The following SNX29 variants were observed in gnomAD, a reference collection of about 807,000 sequenced individuals.
The protein encoded by SNX29 is sorting nexin-29.
In SNX29, 78 loss-of-function variants were observed where a neutral mutation model predicts 102.1. That is an observed-to-expected ratio of 0.76 (90% CI 0.64 to 0.92). The LOEUF is 0.92. Ranked by LOEUF, SNX29 falls within the 40% of genes least tolerant of loss-of-function variation. The probability of loss-of-function intolerance (pLI) is 0.00; values close to 1 mark genes in which losing one functional copy is unlikely to be tolerated. For missense variants in SNX29, 1,280 were observed against 1,061.7 expected (o/e 1.21, Z -2.86); for synonymous variants, 580 against 414.5 (o/e 1.40, Z -4.85).
intron 14 of SNX29, among the ~76,000 whole-genome samples, chr16:12,243,646 T>G (rs2078176937): frequency 6.6e-6 from 1 of 152,092 alleles, no homozygotes; most frequent in African/African-American, 2.4e-5. Context: ...TTTTGGGGCA[T>G]GTAATTGGGT....
chr16:11,983,093 G>A lies in SNX29; in HGVS notation c.7+6280G>A, dbSNP rs185393451. ...TTACGGGCGTGCACCACCACGCCTG[G>A]CTAATTTTTTGTATTTTTAGCAGAG... On this transcript the variant is annotated intron_variant, in intron 1 of 20. Transcript: ENST00000566228. Among the ~76,000 whole-genome samples the A allele has an allele frequency of 1.1e-3, 170 of 151,986 alleles. 1 individual carries two copies. Among genetic ancestry groups the A allele is most frequent in the African/African-American group, 3.7e-3 (155 of 41,464 alleles).
At chr16:12,433,016 A>G (rs1437623405) in intron 18 of SNX29, among the ~76,000 whole-genome samples, 1 of 152,216 alleles carries the variant, frequency 6.6e-6, no homozygotes, top group Non-Finnish European at 1.5e-5. Context: ...GTTCTGTGGC[A>G]GAGCCACTAG....
In SNX29 at chr16:12,524,692, G is replaced by C. The variant is rs557385722; in HGVS notation, c.2179-10G>C. ...ACGTACCAAAGCGAAGATGTTTTGT[G>C]TTTCCTCAGGATGCCAAGTTTGTGG... On this transcript the variant is annotated splice_polypyrimidine_tract_variant and intron_variant, in intron 19 of 20. Coordinates refer to ENST00000566228, the MANE Select transcript of SNX29 (RefSeq NM_032167.5). 197 of 1,612,638 alleles carry C rather than the reference G, an allele frequency of 1.2e-4. 1 individual carries two copies. The South Asian group carries it at 2.0e-3, about 17-fold the overall frequency.
At chr16:12,275,910 G>A (rs961809492) in intron 14 of SNX29, among the ~76,000 whole-genome samples, 3 of 141,474 alleles carry the variant, frequency 2.1e-5, no homozygotes, top group Non-Finnish European at 1.5e-5. Flanking sequence ...TTTGGGGGGC[G>A]TGGTCAGAGT....
In SNX29 at chr16:12,568,821, A is replaced by G. The variant is rs922180474; in HGVS notation, c.*192A>G. ...TCGAGCCGCATGATACCGTGACCCG[A>G]GAGACCAAGGCAGCACCTCGCTGGA... is the stretch of plus-strand genomic sequence containing the variant. On this transcript the variant is annotated 3_prime_UTR_variant, in exon 21 of 21. Coordinates refer to ENST00000566228, the MANE Select transcript of SNX29 (RefSeq NM_032167.5). 6 of 889,592 alleles carry G rather than the reference A, an allele frequency of 6.7e-6. No individual in the cohort carries two copies. The South Asian group carries it at 9.0e-5, about 13-fold the overall frequency. The allele number at this position is 889,592 out of a possible 1,614,324, so 55.1% of individuals were successfully genotyped here. A position where few individuals can be genotyped will look rare whatever the true frequency, so the allele number is the denominator to read the frequency against.
chr16:12,189,645 T>C (rs756249888), intron 13 of SNX29, among the ~76,000 whole-genome samples: 3 of 152,176 alleles, frequency 2.0e-5, no homozygotes, highest in Admixed American at 1.3e-4. Flanking sequence ...TTAATACATA[T>C]TTTGTAGGGA....
intron 14 of SNX29, among the ~76,000 whole-genome samples, chr16:12,202,223 G>T (rs1265220254): frequency 6.6e-6 from 1 of 152,090 alleles, no homozygotes; most frequent in African/African-American, 2.4e-5. Context: ...AATTTTACAG[G>T]TATCAAATTT....
At chr16:12,203,269 C>G (rs78444061) in intron 14 of SNX29, among the ~76,000 whole-genome samples, 1 of 97,270 alleles carries the variant, frequency 1.0e-5, no homozygotes, top group Non-Finnish European at 2.2e-5. Context: ...TCTGAAGTTG[C>G]GTAGTGTGGC....
chr16:12,500,113 T>A (rs2089041085), intron 19 of SNX29, among the ~76,000 whole-genome samples: 2 of 152,174 alleles, frequency 1.3e-5, no homozygotes, highest in Non-Finnish European at 2.9e-5. Context: ...TACCTCAGCC[T>A]CCTGAGCAGC....
intron 14 of SNX29, among the ~76,000 whole-genome samples, chr16:12,223,186 C>T (rs889688661): frequency 6.6e-6 from 1 of 152,178 alleles, no homozygotes; most frequent in African/African-American, 2.4e-5. Context: ...GGGCAAGTTA[C>T]ATACCCTCCC....
chr16:12,258,594 C>G (rs577410986), intron 14 of SNX29, among the ~76,000 whole-genome samples: 2 of 152,242 alleles, frequency 1.3e-5, no homozygotes, highest in African/African-American at 2.4e-5. Context: ...CTCTCATGTT[C>G]CACTCCCCAC....
chr16:12,514,097 G>C (rs1441347534), intron 19 of SNX29, among the ~76,000 whole-genome samples: 1 of 152,218 alleles, frequency 6.6e-6, no homozygotes, highest in Non-Finnish European at 1.5e-5. Context: ...CTGTGGTTTT[G>C]ATGAGTTCCA....
At chr16:12,305,207 G>A (rs545389308) in intron 15 of SNX29, among the ~76,000 whole-genome samples, 1 of 152,230 alleles carries the variant, frequency 6.6e-6, no homozygotes, top group Non-Finnish European at 1.5e-5. Flanking sequence ...CATATGAGCA[G>A]TTCATACATG....
At chr16:12,460,859 A>T (rs1017840419) in intron 18 of SNX29, among the ~76,000 whole-genome samples, 3 of 152,100 alleles carry the variant, frequency 2.0e-5, no homozygotes, top group Non-Finnish European at 4.4e-5. Flanking sequence ...GAATTTCGCC[A>T]TGTTGGCCAG....
intron 19 of SNX29, among the ~76,000 whole-genome samples, chr16:12,497,035 A>C (rs2088862363): frequency 6.6e-6 from 1 of 152,166 alleles, no homozygotes; most frequent in African/African-American, 2.4e-5. Flanking sequence ...CCAAGTGAAC[A>C]GGTAGCATGG....
intron 18 of SNX29, among the ~76,000 whole-genome samples, chr16:12,457,107 C>T (rs1005315551): frequency 3.3e-5 from 5 of 152,166 alleles, no homozygotes; most frequent in African/African-American, 4.8e-5. Flanking sequence ...GCAATACATT[C>T]AGGGCAGGTC....
intron 14 of SNX29, among the ~76,000 whole-genome samples, chr16:12,246,300 C>T (rs1019734808): frequency 6.6e-5 from 10 of 152,020 alleles, no homozygotes; most frequent in Non-Finnish European, 1.5e-5. Flanking sequence ...TGGGACTAGT[C>T]TCTGGATTAA....
At chr16:12,524,391 C>A (rs1039670193) in intron 19 of SNX29, among the ~76,000 whole-genome samples, 1 of 151,992 alleles carries the variant, frequency 6.6e-6, no homozygotes, top group South Asian at 2.1e-4. Context: ...GTTCATTGTT[C>A]TACCCTGACC....
chr16:12,085,224 C>T (rs138843481), intron 11 of SNX29, among the ~76,000 whole-genome samples: 4 of 152,310 alleles, frequency 2.6e-5, no homozygotes, highest in African/African-American at 9.6e-5. Context: ...CCTGACAAAC[C>T]CTCAAAGCAA....
Sources: gnomAD v4.1 joint callset for allele counts (sites outside exome capture counted in the v4.1 genomes callset) on GRCh38, gnomAD v4.1.1 for gene constraint, MANE v1.5 for transcripts, NCBI Gene and HGNC (gene_info 2026-07-23, HGNC 2026-07-21) for gene names.